The following ADAMTS3 variants were observed in gnomAD, a reference collection of about 807,000 sequenced individuals.
The protein encoded by ADAMTS3 is A disintegrin and metalloproteinase with thrombospondin motifs 3.
A neutral mutation model predicts 129.0 loss-of-function variants in ADAMTS3; 73 were observed. The ratio of observed to expected loss-of-function variants is 0.57; its 90% CI spans 0.47 to 0.69. The LOEUF is 0.69. Among genes scored for constraint, ADAMTS3 ranks in the 30% least tolerant of loss-of-function variants. ADAMTS3 has a pLI of 0.00. For missense variants in ADAMTS3, 1,457 were observed against 1,514.5 expected (o/e 0.96, Z 0.63); for synonymous variants, 477 against 510.8 (o/e 0.93, Z 0.89).
At chr4:72,503,013 T>C (rs1281557691) in intron 3 of ADAMTS3, among the ~76,000 whole-genome samples, 3 of 149,786 alleles carry the variant, frequency 2.0e-5, no homozygotes, top group Non-Finnish European at 4.4e-5. Context: ...ATTTGAAAGG[T>C]TTTTTTTGTT....
intron 4 of ADAMTS3, among the ~76,000 whole-genome samples, chr4:72,382,484 A>G (rs568828363): frequency 3.5e-4 from 54 of 152,126 alleles, no homozygotes; most frequent in Non-Finnish European, 7.8e-4. Context: ...AGATTTCTCA[A>G]AGAATTAAAA....
intron 1 of ADAMTS3, 50 bp downstream of exon 1, chr4:72,568,644 G>A (rs1722083522): frequency 1.4e-6 from 2 of 1,440,566 alleles, no homozygotes; most frequent in Admixed American, 1.9e-5. Flanking sequence ...GAACTTTTCG[G>A]GAAAAGGTTG....
chr4:72,412,843 A>G (rs1722215145), intron 4 of ADAMTS3, among the ~76,000 whole-genome samples: 1 of 152,016 alleles, frequency 6.6e-6, no homozygotes, highest in South Asian at 2.1e-4. Context: ...GCAATCTTCT[A>G]TTCATGACTG....
At chr4:72,472,214 C>T (rs907121486) in intron 3 of ADAMTS3, among the ~76,000 whole-genome samples, 4 of 152,052 alleles carry the variant, frequency 2.6e-5, no homozygotes, top group African/African-American at 4.8e-5. Flanking sequence ...CACTACATCG[C>T]TTATATTTGC....
At chr4:72,291,884 C>T (rs1322030987) in intron 19 of ADAMTS3, among the ~76,000 whole-genome samples, 3 of 152,164 alleles carry the variant, frequency 2.0e-5, no homozygotes, top group East Asian at 3.9e-4. Context: ...AAAAGTTTTC[C>T]TATTTCTCAA....
At chr4:72,451,550 T>C (rs1020177957) in intron 3 of ADAMTS3, among the ~76,000 whole-genome samples, 4 of 151,764 alleles carry the variant, frequency 2.6e-5, no homozygotes, top group African/African-American at 9.7e-5. Flanking sequence ...CTCCATTTCA[T>C]GACGTAAATT....
chr4:72,411,333 G>A (rs1053694168), intron 4 of ADAMTS3, among the ~76,000 whole-genome samples: 5 of 151,978 alleles, frequency 3.3e-5, no homozygotes, highest in African/African-American at 4.8e-5. Flanking sequence ...TTGGTCAAGC[G>A]GAATAGCTTA....
At chr4:72,466,470 G>A (rs894500524) in intron 3 of ADAMTS3, among the ~76,000 whole-genome samples, 1 of 152,112 alleles carries the variant, frequency 6.6e-6, no homozygotes, top group Non-Finnish European at 1.5e-5. Context: ...CAGCACAAGA[G>A]ATGTGAGTAG....
intron 3 of ADAMTS3, among the ~76,000 whole-genome samples, chr4:72,537,115 CA>C (rs1399804071): frequency 6.6e-6 from 1 of 152,180 alleles, no homozygotes; most frequent in Non-Finnish European, 1.5e-5. Context: ...TAATTTTAGT[CA>C]ACTTCAGCTC....
At chr4:72,454,504 AC>A (rs1184296210) in intron 3 of ADAMTS3, among the ~76,000 whole-genome samples, 1 of 151,724 alleles carries the variant, frequency 6.6e-6, no homozygotes, top group Non-Finnish European at 1.5e-5. Context: ...TTTCTCATTT[AC>A]AAAATTAGAA....
intron 13 of ADAMTS3, among the ~76,000 whole-genome samples, chr4:72,311,663 C>T (rs191160859): frequency 1.8e-3 from 273 of 152,164 alleles, no homozygotes; most frequent in African/African-American, 6.1e-3. Flanking sequence ...GAATTCTTAA[C>T]GTGTATTCCT....
At position 72,311,300 on chromosome 4, in the gene ADAMTS3, C is replaced by T. The variant is rs183195507; in HGVS notation, c.1922-119G>A. The T allele has an allele frequency of 1.8e-5, 16 of 902,616 alleles. No individual in the cohort carries two copies. The Admixed American group carries it at 3.5e-4, about 20-fold the overall frequency. 55.9% of individuals were successfully genotyped at this position (902,616 alleles called of 1,614,324 possible). ...TGATTTCCTGAAAACAAAAGGAATA[C>T]CGTATAAACAAATAAAATAAGGAGT... On this transcript the variant is annotated intron_variant, in intron 13 of 21. Transcript: ENST00000286657.
At chr4:72,499,469 A>G (rs1719953200) in intron 3 of ADAMTS3, among the ~76,000 whole-genome samples, 2 of 152,152 alleles carry the variant, frequency 1.3e-5, no homozygotes, top group Non-Finnish European at 1.5e-5. Flanking sequence ...TGATGCGAGA[A>G]CATACCTCTT....
intron 4 of ADAMTS3, among the ~76,000 whole-genome samples, chr4:72,374,216 C>T (rs944060667): frequency 1.3e-5 from 2 of 151,132 alleles, no homozygotes; most frequent in Non-Finnish European, 2.9e-5. Context: ...TTCATTGTGA[C>T]ATTAAAAACA....
chr4:72,512,343 C>T (rs946421027), intron 3 of ADAMTS3, among the ~76,000 whole-genome samples: 1 of 151,676 alleles, frequency 6.6e-6, no homozygotes, highest in Non-Finnish European at 1.5e-5. Context: ...AATACAAAAA[C>T]TAGCCAGGGA....
At chr4:72,340,653 C>G (rs1437527264) in intron 4 of ADAMTS3, among the ~76,000 whole-genome samples, 1 of 151,948 alleles carries the variant, frequency 6.6e-6, no homozygotes, top group African/African-American at 2.4e-5. Flanking sequence ...TTCATACACA[C>G]ATACACACAC....
At chr4:72,532,813 T>C (rs1721080272) in intron 3 of ADAMTS3, among the ~76,000 whole-genome samples, 2 of 152,126 alleles carry the variant, frequency 1.3e-5, no homozygotes, top group South Asian at 4.1e-4. Context: ...TCTAAACATA[T>C]GTGAACATAG....
rs571542016 is a variant in ADAMTS3 at position 72,404,433 on chromosome 4, T to C, written c.661+10382A>G. ...AGGAGAGTCTCCTCAATGAATGGTA[T>C]TGGGAAAAGTGAATATACACATGCA... On this transcript the variant is annotated intron_variant, in intron 4 of 21. Transcript: ENST00000286657. Among the ~76,000 whole-genome samples, 23 of 152,172 alleles carry C rather than the reference T, an allele frequency of 1.5e-4. No individual in the cohort carries two copies. In the East Asian group the frequency reaches 4.2e-3, roughly 28 times the overall value.
intron 4 of ADAMTS3, among the ~76,000 whole-genome samples, chr4:72,359,696 A>T (rs932889732): frequency 6.6e-6 from 1 of 152,056 alleles, no homozygotes; most frequent in Non-Finnish European, 1.5e-5. Flanking sequence ...AATGCTAAAG[A>T]AATGCATCCT....
Sources: gnomAD v4.1 joint callset for allele counts (sites outside exome capture counted in the v4.1 genomes callset) on GRCh38, gnomAD v4.1.1 for gene constraint, MANE v1.5 for transcripts, NCBI Gene and HGNC (gene_info 2026-07-23, HGNC 2026-07-21) for gene names.